THOC2: variants seen among roughly 807,000 people sequenced by gnomAD.
The protein encoded by THOC2 is THO complex 2.
A neutral mutation model predicts 128.4 loss-of-function variants in THOC2; 10 were observed. That is an observed-to-expected ratio of 0.08 (90% CI 0.05 to 0.13). The LOEUF (loss-of-function observed/expected upper bound fraction) is 0.13. THOC2 is among the 10% of genes least tolerant of loss of function. The probability of loss-of-function intolerance (pLI) is 1.00; values close to 1 mark genes in which losing one functional copy is unlikely to be tolerated. For missense variants in THOC2, 535 were observed against 1,155.7 expected (o/e 0.46, Z 7.79); for synonymous variants, 393 against 396.9 (o/e 0.99, Z 0.12).
At position 123,714,268 on chromosome X, in the gene THOC2, A is replaced by AT. The variant is rs199555854; in HGVS notation, c.72-1361dup. ...AAATTGATCTTTTTTAAGATGAGCT[A>AT]TTTTTTTAAAAAGCTGTATGCTGTC... is the stretch of plus-strand genomic sequence containing the variant. On this transcript the variant is annotated intron_variant, in intron 1 of 38. Coordinates refer to ENST00000245838, the MANE Select transcript of THOC2 (RefSeq NM_001081550.2). 6.5e-4 allele frequency among the ~76,000 whole-genome samples: 73 copies of AT among 112,208 alleles called. No individual in the cohort carries two copies. The East Asian group carries it at 0.017, about 27-fold the overall frequency.
chrX:123,675,719 C>A (rs1243737533), intron 8 of THOC2, among the ~76,000 whole-genome samples: 1 of 111,312 alleles, frequency 9.0e-6, no homozygotes, highest in Non-Finnish European at 1.9e-5. Context: ...TCTCCACCCC[C>A]AAATACCCAG....
At chrX:123,617,730 G>A (rs914106951) in intron 33 of THOC2, among the ~76,000 whole-genome samples, 1 of 111,508 alleles carries the variant, frequency 9.0e-6, no homozygotes, top group Non-Finnish European at 1.9e-5. Flanking sequence ...AGAAAATCCA[G>A]TTAATTTTAA....
At chrX:123,717,523 C>G (rs2051478123) in intron 1 of THOC2, among the ~76,000 whole-genome samples, 1 of 110,810 alleles carries the variant, frequency 9.0e-6, no homozygotes, top group South Asian at 3.7e-4. Flanking sequence ...ATGAAAGAAA[C>G]TGAAGATGAC....
intron 1 of THOC2, among the ~76,000 whole-genome samples, chrX:123,729,587 C>T (rs2148006755): frequency 8.9e-6 from 1 of 112,059 alleles, no homozygotes; most frequent in East Asian, 2.8e-4. Flanking sequence ...AAATATATCA[C>T]ATTATTTTTA....
chrX:123,660,916 C>T (rs1182467559), intron 12 of THOC2, among the ~76,000 whole-genome samples: 1 of 111,003 alleles, frequency 9.0e-6, no homozygotes, highest in African/African-American at 3.3e-5. Context: ...TGTTAAGTGC[C>T]CATCAACTGA....
At chrX:123,698,578 G>A (rs776300942) in intron 4 of THOC2, among the ~76,000 whole-genome samples, 10 of 109,256 alleles carry the variant, frequency 9.2e-5, no homozygotes, top group Non-Finnish European at 1.9e-4. Context: ...TGAAAAGACA[G>A]TATTAAATAT....
In THOC2 at chrX:123,700,226, C is replaced by T. The variant is rs527318065; in HGVS notation, c.275-2475G>A. On this transcript the variant is annotated intron_variant, in intron 4 of 38. Coordinates refer to ENST00000245838, the MANE Select transcript of THOC2 (RefSeq NM_001081550.2). Reference sequence around the variant, plus strand: ...TCTGTTAAAGTTGCTATCAGCCGGGCGTGGTAGCTCAAGCCTGTAATCCCA... The same window carrying T: ...TCTGTTAAAGTTGCTATCAGCCGGGTGTGGTAGCTCAAGCCTGTAATCCCA... 1.1e-4 allele frequency among the ~76,000 whole-genome samples: 12 copies of T among 109,097 alleles called. No homozygotes were observed. In the South Asian group the frequency reaches 3.3e-3, roughly 30 times the overall value. 94.7% of individuals were successfully genotyped at this position (109,097 alleles called of 115,157 possible).
At chrX:123,645,697 C>T (rs2147707114) in intron 12 of THOC2, among the ~76,000 whole-genome samples, 1 of 112,821 alleles carries the variant, frequency 8.9e-6, no homozygotes, top group African/African-American at 3.2e-5. Context: ...CGCGGTGCCT[C>T]ACGCCTGTAA....
chrX:123,623,497 A>G (rs1229357137), intron 28 of THOC2: 4 of 547,787 alleles, frequency 7.3e-6, no homozygotes. Context: ...TTAAACTAAG[A>G]TGGCTTTTTT....
chrX:123,671,463 A>C (rs1345935735), intron 9 of THOC2, among the ~76,000 whole-genome samples: 1 of 112,285 alleles, frequency 8.9e-6, no homozygotes, highest in Non-Finnish European at 1.9e-5. Flanking sequence ...GTGACCAAAA[A>C]GGTATTTAAT....
At chrX:123,717,876 T>C (rs1474046173) in intron 1 of THOC2, among the ~76,000 whole-genome samples, 2 of 112,514 alleles carry the variant, frequency 1.8e-5, no homozygotes, top group African/African-American at 3.2e-5. Flanking sequence ...ATGGCATATA[T>C]ACAGTCATCC....
intron 8 of THOC2, among the ~76,000 whole-genome samples, chrX:123,673,526 C>T (rs1362544574): frequency 9.0e-6 from 1 of 111,313 alleles, no homozygotes; most frequent in African/African-American, 3.3e-5. Context: ...TTACTCCCTT[C>T]ATTCTTGTTT....
chrX:123,655,667 T>A (rs1156639535), intron 12 of THOC2, among the ~76,000 whole-genome samples: 1 of 111,233 alleles, frequency 9.0e-6, no homozygotes, highest in Non-Finnish European at 1.9e-5. Flanking sequence ...TAACACAAGA[T>A]CACTATCTCA....
rs746517988 is a variant in THOC2, at chrX:123,650,677, C to T, written c.1387-5302G>A. ...CAATCCTAGTCTCTGATAAAACAGA[C>T]GTTAAAACAACAAAGATCAAAAAAA... On this transcript the variant is annotated intron_variant, in intron 12 of 38. Coordinates refer to ENST00000245838, the MANE Select transcript of THOC2 (RefSeq NM_001081550.2). Among the ~76,000 whole-genome samples the T allele has an allele frequency of 1.1e-3, 125 of 111,405 alleles. 1 individual carries two copies. Among genetic ancestry groups the T allele is most frequent in the Non-Finnish European group, 9.4e-4 (50 of 53,069 alleles).
At chrX:123,688,895 C>T (rs2050114323) in intron 7 of THOC2, among the ~76,000 whole-genome samples, 1 of 110,618 alleles carries the variant, frequency 9.0e-6, no homozygotes, top group African/African-American at 3.4e-5. Context: ...AATCATGTAA[C>T]TTCTCCTACA....
chrX:123,665,046 T>C (rs2048994851), intron 12 of THOC2, among the ~76,000 whole-genome samples: 1 of 111,415 alleles, frequency 9.0e-6, no homozygotes, highest in Admixed American at 9.6e-5. Context: ...TATTTTCCCA[T>C]GTGAGGGACT....
intron 14 of THOC2, 21 bp downstream of exon 14, chrX:123,644,758 A>G (rs747323480): frequency 8.5e-7 from 1 of 1,180,507 alleles, no homozygotes; most frequent in East Asian, 3.0e-5. Context: ...AGTTAAAAAC[A>G]TGAAAATAAT....
intron 21 of THOC2, among the ~76,000 whole-genome samples, chrX:123,632,489 CAAAA>C (rs11324625): frequency 1.4e-4 from 5 of 35,139 alleles, no homozygotes; most frequent in East Asian, 1.0e-3. Flanking sequence ...GGCTTTGTCT[CAAAA>C]AAAAAAAAAA....
intron 5 of THOC2, among the ~76,000 whole-genome samples, chrX:123,697,056 A>G (rs1043197786): frequency 8.9e-6 from 1 of 112,258 alleles, no homozygotes; most frequent in Admixed American, 9.5e-5. Context: ...ATTCACTATA[A>G]AATTATATGC....
Sources: allele counts gnomAD v4.1 joint callset (sites outside exome capture counted in the v4.1 genomes callset), GRCh38; gene constraint gnomAD v4.1.1; transcripts MANE v1.5; gene names NCBI Gene and HGNC (gene_info 2026-07-23, HGNC 2026-07-21).